The following CDK14 variants were observed in gnomAD, a reference collection of about 807,000 sequenced individuals.
The protein encoded by CDK14 is cyclin dependent kinase 14, also known as cyclin-dependent kinase 14.
A neutral mutation model predicts 60.7 loss-of-function variants in CDK14; 34 were observed. The observed-to-expected ratio is 0.56, with a 90% CI of 0.43 to 0.75. The LOEUF is 0.75. Among genes scored for constraint, CDK14 ranks in the 30% least tolerant of loss-of-function variants. The probability of loss-of-function intolerance (pLI) is 0.00; values close to 1 mark genes in which losing one functional copy is unlikely to be tolerated. For missense variants in CDK14, 482 were observed against 564.1 expected (o/e 0.85, Z 1.47); for synonymous variants, 197 against 203.7 (o/e 0.97, Z 0.28).
chr7:90,967,220 C>A (rs1374059869), intron 9 of CDK14, among the ~76,000 whole-genome samples: 1 of 151,418 alleles, frequency 6.6e-6, no homozygotes, highest in Non-Finnish European at 1.5e-5. Context: ...GGAAGGAAAG[C>A]AAGCAGGCTG....
chr7:91,096,082 A>AAAAC (rs1798981776), intron 12 of CDK14, among the ~76,000 whole-genome samples: 2 of 150,812 alleles, frequency 1.3e-5, no homozygotes, highest in Non-Finnish European at 3.0e-5. Context: ...AAAAAAAAAA[A>AAAAC]AAAAAACAGT....
chr7:90,831,240 G>A (rs1424554357), intron 5 of CDK14, among the ~76,000 whole-genome samples: 1 of 152,172 alleles, frequency 6.6e-6, no homozygotes, highest in Admixed American at 6.5e-5. Flanking sequence ...AGTTCAGCAA[G>A]GGTGGGGAGG....
intron 8 of CDK14, among the ~76,000 whole-genome samples, chr7:90,937,332 A>G (rs1196110090): frequency 2.0e-5 from 3 of 152,076 alleles, no homozygotes; most frequent in Non-Finnish European, 2.9e-5. Flanking sequence ...TTATTTTCAG[A>G]TGTTTTCTTT....
chr7:90,738,913 T>C (rs1255474410), intron 3 of CDK14, among the ~76,000 whole-genome samples: 1 of 152,002 alleles, frequency 6.6e-6, no homozygotes, highest in African/African-American at 2.4e-5. Context: ...TTTTTACTTA[T>C]TTGATGGGAA....
chr7:90,918,422 C>G (rs1216658745), intron 8 of CDK14, among the ~76,000 whole-genome samples: 1 of 152,216 alleles, frequency 6.6e-6, no homozygotes, highest in South Asian at 2.1e-4. Flanking sequence ...AAGCTTTCCT[C>G]CAAACACCAT....
intron 2 of CDK14, among the ~76,000 whole-genome samples, chr7:90,703,322 A>G (rs1801829553): frequency 6.6e-6 from 1 of 152,224 alleles, no homozygotes; most frequent in African/African-American, 2.4e-5. Context: ...GGATGTGGTC[A>G]TAATAAAATC....
chr7:90,654,644 T>G (rs1474259143), intron 2 of CDK14, among the ~76,000 whole-genome samples: 1 of 152,186 alleles, frequency 6.6e-6, no homozygotes, highest in Non-Finnish European at 1.5e-5. Context: ...CCTGTCAGTT[T>G]TTTAAAAAAA....
At chr7:90,730,000 T>G (rs1488940400) in intron 3 of CDK14, among the ~76,000 whole-genome samples, 1 of 152,068 alleles carries the variant, frequency 6.6e-6, no homozygotes, top group Non-Finnish European at 1.5e-5. Flanking sequence ...CATTAGATAT[T>G]TCTCCTAATG....
At chr7:90,761,876 T>G (rs1468477653) in intron 4 of CDK14, among the ~76,000 whole-genome samples, 1 of 152,148 alleles carries the variant, frequency 6.6e-6, no homozygotes, top group East Asian at 1.9e-4. Context: ...GTGGGCTGAG[T>G]GGGCCAGGCA....
At chr7:90,899,215 G>C (rs1054705213) in intron 6 of CDK14, 76 bp from the exon 7 acceptor site, 1 of 1,210,186 alleles carries the variant, frequency 8.3e-7, no homozygotes, top group East Asian at 2.7e-5. Context: ...GTAATGGTGA[G>C]TTTGAAGTAG....
At chr7:90,953,261 TA>T (rs1388681628) in intron 8 of CDK14, among the ~76,000 whole-genome samples, 1 of 152,202 alleles carries the variant, frequency 6.6e-6, no homozygotes, top group African/African-American at 2.4e-5. Flanking sequence ...ATCTTAAAAA[TA>T]TAATAACATT....
At chr7:91,148,322 A>G (rs1471713073) in intron 14 of CDK14, among the ~76,000 whole-genome samples, 4 of 152,100 alleles carry the variant, frequency 2.6e-5, no homozygotes, top group Non-Finnish European at 5.9e-5. Context: ...GTAGTGAACT[A>G]TGATCATGCC....
intron 2 of CDK14, among the ~76,000 whole-genome samples, chr7:90,664,803 G>A (rs575830359): frequency 6.9e-6 from 1 of 145,512 alleles, no homozygotes; most frequent in Non-Finnish European, 1.5e-5. Context: ...GTGGGGGGAA[G>A]GGGGAGGGAT....
chr7:90,793,284 G>A (rs905166441), intron 5 of CDK14, among the ~76,000 whole-genome samples: 2 of 152,136 alleles, frequency 1.3e-5, no homozygotes, highest in Non-Finnish European at 2.9e-5. Flanking sequence ...GCAGGTGGGA[G>A]GTAGAACATA....
chr7:90,933,489 A>G (rs919657041), intron 8 of CDK14, among the ~76,000 whole-genome samples: 5 of 152,182 alleles, frequency 3.3e-5, no homozygotes, highest in African/African-American at 1.2e-4. Flanking sequence ...CTCCTTTTCT[A>G]TATAACAGTT....
At position 90,659,837 on chromosome 7, in the gene CDK14, TTCTCTCTC is replaced by T. The variant is rs58582287; in HGVS notation, c.123+55620_123+55627del. ...ATGGAATCCTGGAGCCAGGGAATGC[TTCTCTCTC>T]TCTCTCTCTCTCTCTCTCTCTCTCT... On this transcript the variant is annotated intron_variant, in intron 2 of 14. Transcript: ENST00000380050. Among the ~76,000 whole-genome samples, 234 of 110,500 alleles carry T rather than the reference TTCTCTCTC, an allele frequency of 2.1e-3. 2 individuals carry two copies. The highest frequency in any genetic ancestry group is 5.9e-3 in the African/African-American group (159 of 26,804). The allele number at this position is 110,500 out of a possible 152,430, so 72.5% of individuals were successfully genotyped here.
rs1554431005 is a variant in CDK14, at chr7:90,668,696, A to ATTATTTTTTTTTTTTTTTT, written c.124-57869_124-57868insATTTTTTTTTTTTTTTTTT. ...TTATATGGTGTAAGGAAGGACTCGC[A>ATTATTTTTTTTTTTTTTTT]TTCTTTTTTTTTTTTTTTTTTTTTT... On this transcript the variant is annotated intron_variant, in intron 2 of 14. Coordinates refer to ENST00000380050, the MANE Select transcript of CDK14 (RefSeq NM_001287135.2). 2.6e-3 allele frequency among the ~76,000 whole-genome samples: 178 copies of ATTATTTTTTTTTTTTTTTT among 68,410 alleles called. 7 individuals are homozygous for ATTATTTTTTTTTTTTTTTT. Among genetic ancestry groups the ATTATTTTTTTTTTTTTTTT allele is most frequent in the Non-Finnish European group, 2.7e-3 (99 of 36,794 alleles). 44.9% of individuals were successfully genotyped at this position (68,410 alleles called of 152,430 possible). A position where few individuals can be genotyped will look rare whatever the true frequency, so the allele number is the denominator to read the frequency against.
intron 14 of CDK14, among the ~76,000 whole-genome samples, chr7:91,157,876 G>T (rs1302039397): frequency 6.6e-6 from 1 of 151,960 alleles, no homozygotes; most frequent in Non-Finnish European, 1.5e-5. Context: ...GTCATCCAGT[G>T]CCGAGTCCCA....
intron 7 of CDK14, among the ~76,000 whole-genome samples, chr7:90,905,122 C>G (rs910773468): frequency 6.6e-6 from 1 of 152,166 alleles, no homozygotes; most frequent in African/African-American, 2.4e-5. Context: ...ACAAAATCCA[C>G]TACTGGAGAG....
Sources: allele counts gnomAD v4.1 joint callset (sites outside exome capture counted in the v4.1 genomes callset), GRCh38; gene constraint gnomAD v4.1.1; transcripts MANE v1.5; gene names NCBI Gene and HGNC (gene_info 2026-07-23, HGNC 2026-07-21).